Variants in NSMCE1 observed in about 807,000 individuals in gnomAD.
NSMCE1 encodes the protein non-structural maintenance of chromosomes element 1 homolog.
NSMCE1 carries 18 observed loss-of-function variants against 29.6 expected under a neutral mutation model. The ratio of observed to expected loss-of-function variants is 0.61; its 90% CI spans 0.42 to 0.90. The LOEUF is 0.90. Among genes scored for constraint, NSMCE1 ranks in the 40% least tolerant of loss-of-function variants. The pLI is 0.00. For missense variants in NSMCE1, 314 were observed against 343.6 expected, an observed-to-expected ratio of 0.91 and a Z score of 0.68; for synonymous variants, 124 against 133.4, an observed-to-expected ratio of 0.93 and a Z score of 0.49.
intron 2 of NSMCE1, 147 bp from the exon 3 acceptor site, chr16:27,235,446 A>C: frequency 1.3e-6 from 1 of 797,076 alleles, no homozygotes; most frequent in Non-Finnish European, 2.0e-6. Flanking sequence ...GGTGAACGCC[A>C]ATGCCACGTG....
At chr16:27,226,981 C>T in intron 5 of NSMCE1, 145 bp from the exon 6 acceptor site, 1 of 633,844 alleles carries the variant, frequency 1.6e-6, no homozygotes, top group Non-Finnish European at 2.8e-6. Flanking sequence ...CAACGGGCAT[C>T]AGCCACATCC....
At chr16:27,236,442 A>G (rs772636957) in intron 2 of NSMCE1, among the ~76,000 whole-genome samples, 22 of 151,956 alleles carry the variant, frequency 1.4e-4, no homozygotes, top group Non-Finnish European at 2.8e-4. Context: ...GATTACAGGC[A>G]TGCACCACCA....
At chr16:27,263,603 A>T (rs1394478227) in intron 1 of NSMCE1, among the ~76,000 whole-genome samples, 1 of 152,144 alleles carries the variant, frequency 6.6e-6, no homozygotes, top group African/African-American at 2.4e-5. Flanking sequence ...TACTGGACTT[A>T]ATTCTTGGCT....
At chr16:27,252,521 C>T (rs1353931085) in intron 2 of NSMCE1, among the ~76,000 whole-genome samples, 3 of 152,184 alleles carry the variant, frequency 2.0e-5, no homozygotes, top group Non-Finnish European at 4.4e-5. Flanking sequence ...CAGTGGCTCA[C>T]GCCTGAATCC....
Position 27,225,015 on chromosome 16 carries a change from T to C in NSMCE1, c.*142A>G. ...GGGCTGCAGCAACTTCCCAGGATGG[T>C]TTATTCCAAAGCTGTGGACGGTGAA... On this transcript the variant is annotated 3_prime_UTR_variant, in exon 8 of 8. Coordinates refer to ENST00000361439, the MANE Select transcript of NSMCE1 (RefSeq NM_145080.4). 1 of 609,472 alleles carries C rather than the reference T, an allele frequency of 1.6e-6. No homozygotes were observed. The highest frequency in any genetic ancestry group is 2.9e-6 in the Non-Finnish European group (1 of 339,226). The allele number at this position is 609,472 out of a possible 1,614,324, so 37.8% of individuals were successfully genotyped here. A position where few individuals can be genotyped will look rare whatever the true frequency, so the allele number is the denominator to read the frequency against.
In NSMCE1 at chr16:27,225,722, G is replaced by A. The variant is rs201199834; in HGVS notation, c.721+4C>T. The A allele has an allele frequency of 1.4e-4, 226 of 1,614,016 alleles. No individual in the cohort carries two copies. The highest frequency in any genetic ancestry group is 2.7e-4 in the East Asian group (12 of 44,878). The stretch of plus-strand genomic sequence containing the variant: ...CTCCCATGAGCTCCTCAGGGCCCAC[G>A]CACTTGGGATCTCGTGGGGCCAGTA... On this transcript the variant is annotated splice_donor_region_variant and intron_variant, in intron 7 of 7. Coordinates refer to ENST00000361439, the MANE Select transcript of NSMCE1 (RefSeq NM_145080.4).
chr16:27,265,662 A>G (rs2084215959), intron 1 of NSMCE1, among the ~76,000 whole-genome samples: 1 of 152,250 alleles, frequency 6.6e-6, no homozygotes, highest in African/African-American at 2.4e-5. Context: ...GAAGAACTAC[A>G]TTAAAACAAT....
chr16:27,259,286 C>T (rs9940555), intron 1 of NSMCE1, among the ~76,000 whole-genome samples: 8,999 of 152,070 alleles, frequency 0.059, 645 homozygotes, highest in African/African-American at 0.18. Context: ...ACAATCATAC[C>T]ACACACCTGA....
intron 1 of NSMCE1, among the ~76,000 whole-genome samples, chr16:27,264,115 G>A (rs1019595108): frequency 6.6e-6 from 1 of 152,194 alleles, no homozygotes; most frequent in Admixed American, 6.5e-5. Flanking sequence ...TGTAATCCCA[G>A]CACTTTGGGA....
At chr16:27,244,823 G>T (rs545902473) in intron 2 of NSMCE1, among the ~76,000 whole-genome samples, 1 of 152,330 alleles carries the variant, frequency 6.6e-6, no homozygotes, top group East Asian at 1.9e-4. Context: ...TGAAGGCTGG[G>T]ATCTGCTCAT....
In NSMCE1 at chr16:27,234,227, C is replaced by T. The variant is rs748144106; in HGVS notation, c.297G>A (p.Thr99=). 5.6e-6 allele frequency: 9 copies of T among 1,613,486 alleles called. No individual in the cohort carries two copies. The highest frequency in any genetic ancestry group is 1.3e-5 in the African/African-American group (1 of 74,922). Residue 99 remains threonine, a synonymous_variant, in exon 4 of 8, where the codon ACG becomes ACA. Transcript: ENST00000361439. ...AATCCAGTTCATTCTCTGCAAAATC[C>T]GTAGCCATTTTGGAAATTGAAGTTG... is the stretch of plus-strand genomic sequence containing the variant. ...LATTSISKMA[T]DFAENELDLF... is the part of the protein sequence containing the mutation.
At chr16:27,226,669 C>A (rs2083697238) in intron 6 of NSMCE1, 51 bp downstream of exon 6, 1 of 1,215,132 alleles carries the variant, frequency 8.2e-7, no homozygotes, top group Non-Finnish European at 1.2e-6. Context: ...GTACAGAGCC[C>A]CGGGAGCCGA....
At chr16:27,241,860 T>C (rs1280482454) in intron 2 of NSMCE1, 1 of 455,110 alleles carries the variant, frequency 2.2e-6, no homozygotes, top group East Asian at 7.0e-5. Context: ...TGCTTCTCTT[T>C]CTCAGAGGTC....
chr16:27,244,808 C>T (rs12446162), intron 2 of NSMCE1, among the ~76,000 whole-genome samples: 45,987 of 152,138 alleles, frequency 0.3, 7,132 homozygotes, highest in East Asian at 0.42. Context: ...AGAATGCCAG[C>T]TCCCTGAAGG....
intron 2 of NSMCE1, 136 bp downstream of exon 2, chr16:27,257,299 C>T (rs1464056076): frequency 2.3e-5 from 14 of 601,720 alleles, no homozygotes; most frequent in Middle Eastern, 4.9e-4. Flanking sequence ...AAGATGGGCC[C>T]GTGTAAGATT....
intron 2 of NSMCE1, chr16:27,241,911 C>G: frequency 2.2e-6 from 1 of 444,858 alleles, no homozygotes; most frequent in Non-Finnish European, 4.5e-6. Context: ...CAGGAAGCGA[C>G]AAAGTCTAGA....
At chr16:27,259,918 T>C (rs1298841358) in intron 1 of NSMCE1, among the ~76,000 whole-genome samples, 2 of 152,166 alleles carry the variant, frequency 1.3e-5, no homozygotes, top group African/African-American at 4.8e-5. Flanking sequence ...CAGAGAATTC[T>C]ATAACGAGCT....
At chr16:27,243,113 G>A (rs978511642) in intron 2 of NSMCE1, among the ~76,000 whole-genome samples, 3 of 152,262 alleles carry the variant, frequency 2.0e-5, no homozygotes, top group African/African-American at 7.2e-5. Context: ...CTCTGCTCCA[G>A]CCGAGTGCCC....
chr16:27,268,210 G>A (rs2084249538), intron 1 of NSMCE1: 1 of 152,072 alleles, frequency 6.6e-6, no homozygotes. Context: ...TCTGGCCTCG[G>A]GGCTGTAACA....
Sources: gnomAD v4.1 joint callset for allele counts (sites outside exome capture counted in the v4.1 genomes callset) on GRCh38, gnomAD v4.1.1 for gene constraint, MANE v1.5 for transcripts, NCBI Gene and HGNC (gene_info 2026-07-23, HGNC 2026-07-21) for gene names.